SORBS3: variants seen among roughly 807,000 people sequenced by gnomAD.
SORBS3 encodes the protein vinexin.
Under a neutral mutation model 98.0 loss-of-function variants are expected in SORBS3, and 69 were observed. The observed-to-expected ratio is 0.70, with a 90% CI of 0.58 to 0.86. SORBS3 has a LOEUF of 0.86. SORBS3 is among the 40% of genes least tolerant of loss of function. SORBS3 has a pLI of 0.00. For synonymous variants in SORBS3, 394 were observed against 355.4 expected, an observed-to-expected ratio of 1.11 and a Z score of -1.22; for missense variants, 954 against 908.5, an observed-to-expected ratio of 1.05 and a Z score of -0.64.
intron 1 of SORBS3, among the ~76,000 whole-genome samples, chr8:22,546,233 A>C (rs1233808141): frequency 2.6e-5 from 4 of 152,242 alleles, no homozygotes; most frequent in African/African-American, 9.6e-5. Context: ...GATTTAAAAA[A>C]AGAAGAAAAC....
rs553568381 is a variant in SORBS3, at chr8:22,556,708, C to G, written c.221-7C>G. The G allele has an allele frequency of 1.3e-5, 21 of 1,613,576 alleles. No individual in the cohort carries two copies. In the African/African-American group the frequency reaches 2.3e-4, roughly 17 times the overall value. ...TTCACTAATGCTCTCCTGCACGCAC[C>G]CAACAGACCCTGCGTGGTATCAGAC... is the stretch of plus-strand genomic sequence containing the variant. On this transcript the variant is annotated splice_polypyrimidine_tract_variant and splice_region_variant and intron_variant, in intron 3 of 20. Coordinates refer to ENST00000240123, the MANE Select transcript of SORBS3 (RefSeq NM_005775.5).
chr8:22,566,069 T>G (rs1168911565), intron 12 of SORBS3, 197 bp downstream of exon 12: 57 of 553,656 alleles, frequency 1.0e-4, no homozygotes, highest in Non-Finnish European at 1.5e-4. Context: ...GGCAGCTAAC[T>G]CCTAGCAGAG....
intron 7 of SORBS3, among the ~76,000 whole-genome samples, chr8:22,563,748 G>A (rs1840344542): frequency 6.6e-6 from 1 of 152,202 alleles, no homozygotes; most frequent in Non-Finnish European, 1.5e-5. Context: ...TGAGCCTGAG[G>A]CTCTGAGGGA....
At position 22,561,718 on chromosome 8, in the gene SORBS3, C is replaced by G. The variant is rs139959984; in HGVS notation, c.518-147C>G. On this transcript the variant is annotated intron_variant, in intron 6 of 20. Transcript: ENST00000240123. ...AGGGCAATGCCCGCGTTCAGTGTCC[C>G]TGAGCACCAACCACCCTGCCCCCAC... 2,602 of 717,056 alleles carry G rather than the reference C, an allele frequency of 3.6e-3. 34 individuals are homozygous for G. Among genetic ancestry groups the G allele is most frequent in the African/African-American group, 0.032 (1,834 of 57,084 alleles). The allele number at this position is 717,056 out of a possible 1,614,324, so 44.4% of individuals were successfully genotyped here. A position where few individuals can be genotyped will look rare whatever the true frequency, so the allele number is the denominator to read the frequency against.
At chr8:22,565,522 A>G (rs1563829331) in intron 11 of SORBS3, 168 bp downstream of exon 11, 2 of 587,076 alleles carry the variant, frequency 3.4e-6, no homozygotes, top group East Asian at 7.7e-5. Flanking sequence ...TCGCTCCTCC[A>G]TAAATAAAAT....
intron 10 of SORBS3, 29 bp from the exon 11 acceptor site, chr8:22,565,239 C>T: frequency 6.5e-7 from 1 of 1,538,134 alleles, no homozygotes; most frequent in Non-Finnish European, 8.8e-7. Context: ...TGCGCTGCCC[C>T]TCACTGCCCA....
At chr8:22,548,169 C>T (rs755099755), upstream of SORBS3, among the ~76,000 whole-genome samples, 12 of 152,192 alleles carry the variant, frequency 7.9e-5, no homozygotes, top group Non-Finnish European at 1.2e-4. Flanking sequence ...AGATGAGCCA[C>T]GTCATGCCAT....
At chr8:22,545,355 C>A (rs1198713924) in intron 1 of SORBS3, 1 of 152,274 alleles carries the variant, frequency 6.6e-6, no homozygotes, top group Non-Finnish European at 1.5e-5. Context: ...ACTGTATTAA[C>A]AATAGGGCTT....
chr8:22,549,720 G>T (rs1354582477), upstream of SORBS3, among the ~76,000 whole-genome samples: 1 of 152,108 alleles, frequency 6.6e-6, no homozygotes, highest in South Asian at 2.1e-4. Flanking sequence ...CAGGTCTCCC[G>T]TAGACCTACC....
chr8:22,561,412 C>A (rs60534027), intron 6 of SORBS3, 39 bp downstream of exon 6: 5 of 1,609,884 alleles, frequency 3.1e-6, no homozygotes, highest in Non-Finnish European at 4.2e-6. Flanking sequence ...CATAGCCCTG[C>A]GCCTGCGTCC....
At chr8:22,564,851 G>A (rs952579944) in intron 10 of SORBS3, 3 of 1,290,730 alleles carry the variant, frequency 2.3e-6, no homozygotes, top group Non-Finnish European at 3.0e-6. Context: ...CCATAGCAGA[G>A]GCTGGCAGGA....
chr8:22,566,961 C>A, intron 15 of SORBS3, 93 bp downstream of exon 15: 1 of 1,558,250 alleles, frequency 6.4e-7, no homozygotes, highest in Admixed American at 1.7e-5. Flanking sequence ...AGTGGGCATC[C>A]CCAAGGGGTG....
chr8:22,551,881 C>G, upstream of SORBS3: 1 of 985,416 alleles, frequency 1.0e-6, no homozygotes, highest in Non-Finnish European at 1.2e-6. The surrounding 1 kb of genome is among the most constrained non-coding windows in gnomAD (Gnocchi z 5.8). Context: ...CCCGGCCCGT[C>G]CTGACCCGGT....
At chr8:22,545,628 A>C (rs978601152) in intron 1 of SORBS3, among the ~76,000 whole-genome samples, 29 of 152,244 alleles carry the variant, frequency 1.9e-4, no homozygotes, top group African/African-American at 6.8e-4. Context: ...CTATGCCCTC[A>C]TGGCAAGTCT....
chr8:22,559,059 G>T (rs543848203), intron 5 of SORBS3, among the ~76,000 whole-genome samples: 13 of 152,322 alleles, frequency 8.5e-5, no homozygotes, highest in African/African-American at 3.1e-4. Context: ...ATAAGGAGGA[G>T]CCACTGAGCG....
chr8:22,566,137 A>AG, intron 12 of SORBS3: 1 of 678,732 alleles, frequency 1.5e-6, no homozygotes, highest in South Asian at 3.4e-5. Context: ...GCCACGGCCC[A>AG]GGCACTCCCG....
intron 5 of SORBS3, 22 bp from the exon 6 acceptor site, chr8:22,561,313 C>G: frequency 6.3e-7 from 1 of 1,580,918 alleles, no homozygotes; most frequent in Non-Finnish European, 8.6e-7. Flanking sequence ...GTCCCATGAC[C>G]TGGTCCCTTC....
In SORBS3 at chr8:22,554,850, C is replaced by A; in HGVS notation, c.103-13C>A. 1 of 1,579,858 alleles carries A rather than the reference C, an allele frequency of 6.3e-7. No individual in the cohort carries two copies. Among genetic ancestry groups the A allele is most frequent in the East Asian group, 2.3e-5 (1 of 44,296 alleles). ...CTGGGCCCTGAGCTGCCGCTCCTGG[C>A]CCCTCCCCGCAGGTGCCCGTGATCC... On this transcript the variant is annotated splice_polypyrimidine_tract_variant and intron_variant, in intron 2 of 20. Coordinates refer to ENST00000240123, the MANE Select transcript of SORBS3 (RefSeq NM_005775.5). This position sits in a 1 kb window ranked among gnomAD's most constrained non-coding sequence, Gnocchi z 6.5.
chr8:22,551,069 G>T (rs1840071704), upstream of SORBS3, among the ~76,000 whole-genome samples: 1 of 152,210 alleles, frequency 6.6e-6, no homozygotes, highest in African/African-American at 2.4e-5. The surrounding 1 kb of genome is among the most constrained non-coding windows in gnomAD (Gnocchi z 5.8). Context: ...GGAAAAGCAG[G>T]CAGATCAAAA....
Sources: gnomAD v4.1 joint callset for allele counts (sites outside exome capture counted in the v4.1 genomes callset) on GRCh38, gnomAD v4.1.1 for gene constraint, Gnocchi (gnomAD v3.1) non-coding constraint, MANE v1.5 for transcripts, NCBI Gene and HGNC (gene_info 2026-07-23, HGNC 2026-07-21) for gene names.